The following ANKRD36C variants were observed in gnomAD, a reference collection of about 807,000 sequenced individuals.
ANKRD36C encodes the protein ankyrin repeat domain 36C, also known as ankyrin repeat domain-containing protein 36C.
In ANKRD36C, 61 loss-of-function variants were observed where a neutral mutation model predicts 276.4. The observed-to-expected ratio is 0.22, with a 90% CI of 0.18 to 0.27. The LOEUF (loss-of-function observed/expected upper bound fraction) is 0.27, where lower values mean the gene tolerates loss of function less well. Among genes scored for constraint, ANKRD36C ranks in the 10% least tolerant of loss-of-function variants. The probability of loss-of-function intolerance (pLI) is 1.00; values close to 1 mark genes in which losing one functional copy is unlikely to be tolerated. For synonymous variants in ANKRD36C, 483 were observed against 680.1 expected (o/e 0.71, Z 4.51); for missense variants, 1,447 against 2,032.3 (o/e 0.71, Z 5.54).
At position 95,891,656 on chromosome 2, in the gene ANKRD36C, C is replaced by A. The variant is rs1676363315; in HGVS notation, c.2857+9G>T. On this transcript the variant is annotated intron_variant, in intron 46 of 66. Transcript: ENST00000456556. The stretch of plus-strand genomic sequence containing the variant: ...CTGAACATGACATTAAATCTCTTTT[C>A]AAAATTACCTCTCCTAGTTTTTTCT... The A allele has an allele frequency of 5.8e-6, 9 of 1,552,390 alleles. No individual in the cohort carries two copies. The highest frequency in any genetic ancestry group is 7.8e-6 in the Non-Finnish European group (9 of 1,147,622).
chr2:95,948,128 C>T (rs1236420736), intron 17 of ANKRD36C, among the ~76,000 whole-genome samples: 1 of 152,144 alleles, frequency 6.6e-6, no homozygotes, highest in Admixed American at 6.6e-5. Flanking sequence ...AATAAGTCAT[C>T]TGATGTAACA....
chr2:95,947,089 T>G (rs1678073785), intron 17 of ANKRD36C, among the ~76,000 whole-genome samples: 1 of 151,858 alleles, frequency 6.6e-6, no homozygotes, highest in African/African-American at 2.4e-5. Flanking sequence ...AAATATGTAT[T>G]TAATAGAACA....
chr2:95,878,402 C>G (rs1159555932), intron 58 of ANKRD36C, among the ~76,000 whole-genome samples: 1 of 152,090 alleles, frequency 6.6e-6, no homozygotes, highest in Non-Finnish European at 1.5e-5. Context: ...CTCTAAGACA[C>G]TTTCATGGAA....
In ANKRD36C at chr2:95,882,298, T is replaced by C; in HGVS notation, c.3367+4A>G. Reference sequence around the variant, plus strand: ...ATGACATTAAATGTATATTGCTAAATTACCTGTTCCAGATTTCCAACCGCC... The same window carrying C: ...ATGACATTAAATGTATATTGCTAAACTACCTGTTCCAGATTTCCAACCGCC... On this transcript the variant is annotated splice_donor_region_variant and intron_variant, in intron 56 of 66. Transcript: ENST00000456556. The C allele has an allele frequency of 1.9e-6, 3 of 1,549,822 alleles. No homozygotes were observed. The highest frequency in any genetic ancestry group is 2.6e-6 in the Non-Finnish European group (3 of 1,146,940).
chr2:95,982,029 A>C (rs1179073688), intron 4 of ANKRD36C, among the ~76,000 whole-genome samples: 1 of 152,192 alleles, frequency 6.6e-6, no homozygotes, highest in Non-Finnish European at 1.5e-5. Context: ...TATGTGTATA[A>C]TGTCTATATA....
chr2:95,884,313 T>A, intron 53 of ANKRD36C, 27 bp downstream of exon 73: 2 of 1,610,660 alleles, frequency 1.2e-6, no homozygotes, highest in Non-Finnish European at 1.7e-6. Flanking sequence ...AATTACTAGT[T>A]CACAATATAA....
At chr2:95,967,670 T>C (rs1259322125) in intron 6 of ANKRD36C, among the ~76,000 whole-genome samples, 1 of 152,038 alleles carries the variant, frequency 6.6e-6, no homozygotes, top group South Asian at 2.1e-4. Context: ...TGTGTATATA[T>C]ATATATGTAC....
At chr2:95,928,751 T>C (rs1358095371) in intron 26 of ANKRD36C, among the ~76,000 whole-genome samples, 1 of 151,432 alleles carries the variant, frequency 6.6e-6, no homozygotes, top group Non-Finnish European at 1.5e-5. Flanking sequence ...CTTCATCTCG[T>C]TCTCTTTCCC....
At chr2:95,950,613 A>G in intron 16 of ANKRD36C, 136 bp downstream of exon 16, 1 of 1,006,644 alleles carries the variant, frequency 9.9e-7, no homozygotes, top group Non-Finnish European at 1.3e-6. Context: ...AAGTTGTGTG[A>G]AGATGACATG....
intron 42 of ANKRD36C, among the ~76,000 whole-genome samples, chr2:95,902,524 T>G (rs1676683794): frequency 6.6e-6 from 1 of 150,520 alleles, no homozygotes; most frequent in South Asian, 2.1e-4. Context: ...TATCTTTTCT[T>G]GGCAGTACGA....
Position 95,912,266 on chromosome 2 carries a change from CT to C in ANKRD36C, c.2630del (p.Lys877ArgfsTer17). Reference sequence around the variant, plus strand: ...TACCTGTCCTAGATGTTTCTCCATCCTTTTTTTCTCTGGTTATATTCGAAAA... The same window carrying C: ...TACCTGTCCTAGATGTTTCTCCATCCTTTTTTCTCTGGTTATATTCGAAAA... On this transcript the variant is annotated frameshift_variant, in exon 42 of 67. Transcript: ENST00000456556. LOFTEE classifies it high-confidence loss of function. 3.2e-6 allele frequency: 5 copies of C among 1,554,526 alleles called. No individual in the cohort carries two copies. Among genetic ancestry groups the C allele is most frequent in the Non-Finnish European group, 8.7e-7 (1 of 1,150,196 alleles).
chr2:95,910,710 C>A, intron 42 of ANKRD36C, 142 bp from the exon 45 acceptor site: 1 of 1,472,584 alleles, frequency 6.8e-7, no homozygotes, highest in Non-Finnish European at 9.2e-7. Flanking sequence ...TGTCTGGGGA[C>A]TAGAACATGA....
At chr2:95,890,681 A>G (rs1476113645) in intron 46 of ANKRD36C, among the ~76,000 whole-genome samples, 2 of 151,720 alleles carry the variant, frequency 1.3e-5, no homozygotes, top group Non-Finnish European at 3.0e-5. Flanking sequence ...CTCAATAAAG[A>G]TATCATCAAT....
chr2:95,873,639 A>G (rs1675867980), intron 59 of ANKRD36C, among the ~76,000 whole-genome samples: 1 of 152,206 alleles, frequency 6.6e-6, no homozygotes, highest in African/African-American at 2.4e-5. Flanking sequence ...GCCCTCTCTC[A>G]CCACTCCTAT....
Position 95,884,248 on chromosome 2 carries a change from G to A in ANKRD36C, c.3193-3C>T, listed in dbSNP as rs757745424. 1.9e-6 allele frequency: 3 copies of A among 1,609,920 alleles called. No homozygotes were observed. The highest frequency in any genetic ancestry group is 2.2e-5 in the East Asian group (1 of 44,702). On this transcript the variant is annotated splice_polypyrimidine_tract_variant and splice_region_variant and intron_variant, in intron 53 of 66. Coordinates refer to ENST00000456556, the Ensembl canonical transcript of ANKRD36C. The stretch of plus-strand genomic sequence containing the variant: ...GAATCTTTCTCATCACCTGTAGCCT[G>A]AATGGAATTTGAAACAAAATAATAA...
At chr2:95,956,156 TATC>T (rs1185733239) in intron 13 of ANKRD36C, among the ~76,000 whole-genome samples, 3 of 152,154 alleles carry the variant, frequency 2.0e-5, no homozygotes, top group Non-Finnish European at 4.4e-5. Flanking sequence ...TAAATATAGT[TATC>T]ATAACATGGT....
chr2:95,903,242 T>C lies in ANKRD36C; in HGVS notation c.2654-3906A>G, dbSNP rs190106919. 4.2e-3 allele frequency among the ~76,000 whole-genome samples: 632 copies of C among 150,434 alleles called. 22 individuals are homozygous for C. Among genetic ancestry groups the C allele is most frequent in the African/African-American group, 0.014 (589 of 41,072 alleles). On this transcript the variant is annotated intron_variant, in intron 42 of 66. Transcript: ENST00000456556. The stretch of plus-strand genomic sequence containing the variant: ...TGGGGACTAGAACATGACGGAAATA[T>C]GCTGAGAAAAGGGAATACAGGCTCC...
chr2:95,857,912 A>T (rs1573719979), intron 61 of ANKRD36C, among the ~76,000 whole-genome samples: 1 of 151,154 alleles, frequency 6.6e-6, no homozygotes, highest in African/African-American at 2.4e-5. Flanking sequence ...CTGCTGAGAG[A>T]TTCCTCTGCA....
intron 44 of ANKRD36C, 123 bp from the exon 61 acceptor site, chr2:95,895,713 T>A: frequency 6.7e-7 from 1 of 1,498,946 alleles, no homozygotes; most frequent in Non-Finnish European, 9.0e-7. Context: ...TTTCATGGCT[T>A]CTACTTTGTC....
Sources: allele counts gnomAD v4.1 joint callset (sites outside exome capture counted in the v4.1 genomes callset), GRCh38; gene constraint gnomAD v4.1.1; transcripts MANE v1.5; gene names NCBI Gene and HGNC (gene_info 2026-07-23, HGNC 2026-07-21).